The following GPR160 variants were observed in gnomAD, a reference collection of about 807,000 sequenced individuals.
GPR160 encodes probable G protein-coupled receptor 160.
GPR160 carries 2 observed loss-of-function variants against 2.6 expected under a neutral mutation model. That is an observed-to-expected ratio of 0.77 (90% CI 0.32 to 2.44). The LOEUF is 2.44. GPR160 is among the 30% of genes most tolerant of loss of function. The pLI is 0.11. For missense variants in GPR160, 351 were observed against 383.6 expected, an observed-to-expected ratio of 0.91 and a Z score of 0.71; for synonymous variants, 130 against 132.2, an observed-to-expected ratio of 0.98 and a Z score of 0.12.
chr3:170,051,477 C>T (rs926074433), intron 2 of GPR160, among the ~76,000 whole-genome samples: 2 of 152,148 alleles, frequency 1.3e-5, no homozygotes, highest in Non-Finnish European at 2.9e-5. Context: ...GTAATCTCAG[C>T]ACTTTGGGAG....
At position 170,084,128 on chromosome 3, in the gene GPR160, A is replaced by AAAT. The variant is rs1559995189; in HGVS notation, c.157_159dup (p.Asn53dup). 2 of 1,594,652 alleles carry AAAT rather than the reference A, an allele frequency of 1.3e-6. No homozygotes were observed. The highest frequency in any genetic ancestry group is 3.6e-5 in the Admixed American group (2 of 55,888). On this transcript the variant is annotated inframe_insertion, in exon 4 of 4. Transcript: ENST00000355897. Reference sequence around the variant, plus strand: ...GAATGAGAAGAAAAAACACCTGTCAAAATTTTATGGAATATTTTTGCATTT... The same window carrying AAAT: ...GAATGAGAAGAAAAAACACCTGTCAAAATAATTTTATGGAATATTTTTGCATTT...
At chr3:170,074,049 G>A (rs1022021741) in intron 2 of GPR160, among the ~76,000 whole-genome samples, 12 of 151,792 alleles carry the variant, frequency 7.9e-5, no homozygotes, top group Admixed American at 2.6e-4. Flanking sequence ...CACCATGCCC[G>A]GCTAATTTTT....
chr3:170,054,953 C>A (rs1393306981), intron 2 of GPR160, among the ~76,000 whole-genome samples: 2 of 152,090 alleles, frequency 1.3e-5, no homozygotes, highest in African/African-American at 4.8e-5. Context: ...GCTACCATGC[C>A]CAGCTACTTT....
intron 2 of GPR160, among the ~76,000 whole-genome samples, chr3:170,059,125 A>G (rs775111203): frequency 2.0e-5 from 3 of 152,160 alleles, no homozygotes; most frequent in Non-Finnish European, 4.4e-5. Context: ...GTGGGTGGAT[A>G]TTAGTGGAGG....
At chr3:170,054,046 A>G (rs147178007) in intron 2 of GPR160, among the ~76,000 whole-genome samples, 243 of 152,062 alleles carry the variant, frequency 1.6e-3, no homozygotes, top group African/African-American at 5.6e-3. Flanking sequence ...GATTTAGACA[A>G]TTTGAATCAG....
intron 2 of GPR160, among the ~76,000 whole-genome samples, chr3:170,066,128 T>C (rs966080102): frequency 1.7e-5 from 2 of 120,394 alleles, no homozygotes; most frequent in African/African-American, 5.8e-5. Flanking sequence ...CTTTTTCTTT[T>C]TCTTTTTTTT....
rs1713274569 is a variant in GPR160, at chr3:170,084,023, A to G, written c.51A>G (p.Gln17=). 1 of 1,561,052 alleles carries G rather than the reference A, an allele frequency of 6.4e-7. No individual in the cohort carries two copies. The highest frequency in any genetic ancestry group is 2.1e-5 in the Admixed American group (1 of 47,256). Residue 17 remains glutamine, a synonymous_variant, in exon 4 of 4, where the codon CAA becomes CAG. Coordinates refer to ENST00000355897, the MANE Select transcript of GPR160 (RefSeq NM_014373.3). ...GCTCTTTTCAGTACCAGTTACGTCA[A>G]ACAAACCAGCCCCTAGATGTTAACT... The part of the protein sequence containing the change: ...ENCSFQYQLR[Q]TNQPLDVNYL...
Position 170,084,410 on chromosome 3 carries a change from T to A in GPR160, c.438T>A (p.Ile146=). ...TTTATTTCTTTACAGTAATTTTAAT[T>A]TGGATTTCAGTCCTTGCTTATGTTT... ...KLFYFFTVIL[I]WISVLAYVLG... is the part of the protein sequence containing the mutation. The change falls in exon 4 of 4, where the codon ATT becomes ATA. Residue 146 remains isoleucine, a synonymous_variant. Transcript: ENST00000355897. The A allele has an allele frequency of 6.2e-7, 1 of 1,607,832 alleles. No individual in the cohort carries two copies. Among genetic ancestry groups the A allele is most frequent in the Non-Finnish European group, 8.5e-7 (1 of 1,174,520 alleles).
chr3:170,080,942 C>G (rs1713093277), intron 3 of GPR160, among the ~76,000 whole-genome samples: 1 of 152,194 alleles, frequency 6.6e-6, no homozygotes, highest in South Asian at 2.1e-4. Context: ...CTCAAGTGAT[C>G]TACCCACCTT....
At chr3:170,055,576 T>A (rs1344287895) in intron 2 of GPR160, among the ~76,000 whole-genome samples, 4 of 152,194 alleles carry the variant, frequency 2.6e-5, no homozygotes, top group Non-Finnish European at 5.9e-5. Context: ...AAAGCAAGAC[T>A]AAAGGACATG....
intron 2 of GPR160, among the ~76,000 whole-genome samples, chr3:170,069,068 T>A (rs1712471158): frequency 6.6e-6 from 1 of 152,234 alleles, no homozygotes; most frequent in South Asian, 2.1e-4. Flanking sequence ...TGTATTTTTA[T>A]GCAGTCTCCC....
intron 2 of GPR160, among the ~76,000 whole-genome samples, chr3:170,055,371 A>G (rs749581722): frequency 6.6e-6 from 1 of 152,206 alleles, no homozygotes; most frequent in Non-Finnish European, 1.5e-5. Flanking sequence ...CTCAGCAATG[A>G]TGAATAACCG....
chr3:170,039,942 AT>A (rs1716375311), intron 2 of GPR160, among the ~76,000 whole-genome samples: 1 of 148,696 alleles, frequency 6.7e-6, no homozygotes, highest in Non-Finnish European at 1.5e-5. Flanking sequence ...ATGAGAGGAG[AT>A]TGTTCATGGA....
chr3:170,075,177 G>A (rs969313542), intron 2 of GPR160, among the ~76,000 whole-genome samples: 3 of 152,152 alleles, frequency 2.0e-5, no homozygotes, highest in Admixed American at 6.5e-5. Flanking sequence ...ACAGTGAGGC[G>A]AGTTTGTGCC....
rs1293294850 is a variant in GPR160, at chr3:170,038,746, C to T, written c.-321-169C>T. The T allele has an allele frequency of 1.3e-5, 2 of 152,148 alleles. No homozygotes were observed. Among genetic ancestry groups the T allele is most frequent in the Non-Finnish European group, 2.9e-5 (2 of 68,016 alleles). 9.4% of individuals were successfully genotyped at this position (152,148 alleles called of 1,614,324 possible). A position where few individuals can be genotyped will look rare whatever the true frequency, so the allele number is the denominator to read the frequency against. On this transcript the variant is annotated intron_variant, in intron 1 of 3. Coordinates refer to ENST00000355897, the MANE Select transcript of GPR160 (RefSeq NM_014373.3). The surrounding 1 kb of genome is among the most constrained non-coding windows in gnomAD (Gnocchi z 5.3). ...TGGGGACGGCGCCCCCGCCCGCGCC[C>T]GCCACTGGGATTAAGCCCCAGGGCC...
Position 170,044,487 on chromosome 3 carries a change from G to A in GPR160, c.-193+5444G>A, listed in dbSNP as rs60152495. 6.3e-3 allele frequency among the ~76,000 whole-genome samples: 956 copies of A among 152,010 alleles called. 6 individuals are homozygous for A. Among genetic ancestry groups the A allele is most frequent in the African/African-American group, 0.021 (866 of 41,456 alleles). ...TTTCTCACTTATAAGGAACTTGTTCGCTACCCCCTGCAGTTTGACAAGAAT... is the reference window on the plus strand; with the variant it reads ...TTTCTCACTTATAAGGAACTTGTTCACTACCCCCTGCAGTTTGACAAGAAT... On this transcript the variant is annotated intron_variant, in intron 2 of 3. Coordinates refer to ENST00000355897, the MANE Select transcript of GPR160 (RefSeq NM_014373.3).
At chr3:170,050,274 G>A (rs537811199) in intron 2 of GPR160, among the ~76,000 whole-genome samples, 55 of 141,244 alleles carry the variant, frequency 3.9e-4, no homozygotes, top group African/African-American at 1.9e-4. Context: ...ATGGAGTTTC[G>A]CTCTTGTTGC....
In GPR160 at chr3:170,074,099, GGAT is replaced by G. The variant is rs201606313; in HGVS notation, c.-192-5673_-192-5671del. ...GACGGGGGTTTCACCATATTGGCCA[GGAT>G]GGGCTTGAACTCCTGACCTTAGGTG... On this transcript the variant is annotated intron_variant, in intron 2 of 3. Coordinates refer to ENST00000355897, the MANE Select transcript of GPR160 (RefSeq NM_014373.3). 2.8e-3 allele frequency among the ~76,000 whole-genome samples: 429 copies of G among 152,044 alleles called. 3 individuals are homozygous for G. Among genetic ancestry groups the G allele is most frequent in the African/African-American group, 9.7e-3 (403 of 41,460 alleles).
At chr3:170,060,591 T>C (rs1156888239) in intron 2 of GPR160, among the ~76,000 whole-genome samples, 1 of 151,480 alleles carries the variant, frequency 6.6e-6, no homozygotes, top group Non-Finnish European at 1.5e-5. Flanking sequence ...CAAGACCCCA[T>C]CTCTACAAAA....
Sources: allele counts gnomAD v4.1 joint callset (sites outside exome capture counted in the v4.1 genomes callset), GRCh38; gene constraint gnomAD v4.1.1; non-coding constraint Gnocchi (gnomAD v3.1); transcripts MANE v1.5; gene names NCBI Gene and HGNC (gene_info 2026-07-23, HGNC 2026-07-21).